The following ZSWIM9 variants were observed in gnomAD, a reference collection of about 807,000 sequenced individuals.
ZSWIM9 encodes zinc finger SWIM-type containing 9.
ZSWIM9 carries 11 observed loss-of-function variants against 25.0 expected under a neutral mutation model. That is an observed-to-expected ratio of 0.44 (90% confidence interval 0.28 to 0.73). The LOEUF (loss-of-function observed/expected upper bound fraction) is 0.73, where lower values mean the gene tolerates loss of function less well. Ranked by LOEUF, ZSWIM9 falls within the 30% of genes least tolerant of loss-of-function variation. The probability of loss-of-function intolerance (pLI) is 0.16; values close to 1 mark genes in which losing one functional copy is unlikely to be tolerated. For missense variants in ZSWIM9, 1,070 were observed against 1,296.5 expected (o/e 0.83, Z 2.68); for synonymous variants, 562 against 582.1 (o/e 0.97, Z 0.50).
intron 2 of ZSWIM9, among the ~76,000 whole-genome samples, chr19:48,178,448 G>T (rs1422458042): frequency 6.6e-6 from 1 of 152,148 alleles, no homozygotes; most frequent in East Asian, 1.9e-4. Context: ...CTTTTAGGGG[G>T]TGTGTTACTG....
intron 3 of ZSWIM9, among the ~76,000 whole-genome samples, chr19:48,186,239 G>GCCCCCCCCCCC (rs199837478): frequency 6.7e-6 from 1 of 149,538 alleles, no homozygotes; most frequent in African/African-American, 2.6e-5. Context: ...TCCTCTTTCT[G>GCCCCCCCCCCC]CCCCGCCACC....
intron 3 of ZSWIM9, among the ~76,000 whole-genome samples, chr19:48,191,264 G>T (rs1007805156): frequency 6.6e-6 from 1 of 152,092 alleles, no homozygotes; most frequent in Non-Finnish European, 1.5e-5. Context: ...GAGTACAGTG[G>T]CACAATCTCG....
Position 48,171,880 on chromosome 19 carries a change from G to C in ZSWIM9, c.78G>C (p.Ser26=), listed in dbSNP as rs1238491272. The C allele has an allele frequency of 2.6e-6, 4 of 1,535,684 alleles. No individual in the cohort carries two copies. Among genetic ancestry groups the C allele is most frequent in the Non-Finnish European group, 3.5e-6 (4 of 1,146,678 alleles). The change falls in exon 2 of 4, where the codon TCG becomes TCC. Residue 26 remains serine (S), a synonymous_variant. Coordinates refer to ENST00000614654, the MANE Select transcript of ZSWIM9 (RefSeq NM_199341.4). ...EQELRERAFF[S]WAEFSRFFDA... ...AGCTGCGGGAGCGGGCCTTCTTCTC[G>C]TGGGCCGAGTTCAGCCGCTTCTTCG...
rs1454783672 is a variant in ZSWIM9, at chr19:48,196,495, C to G, written c.2431C>G (p.Arg811Gly). Residue 811 changes from arginine (R) to glycine (G), a missense_variant, in exon 4 of 4, where the codon CGA (arginine) becomes GGA (glycine). Arg to Gly is a moderately radical substitution (Grantham distance 125, BLOSUM62 -2). Coordinates refer to ENST00000614654, the MANE Select transcript of ZSWIM9 (RefSeq NM_199341.4). Reference sequence around the variant, plus strand: ...CCCCAGGGAACCAAAGAGGCTTTGCCGACCCCCGGGAGAGGAGGAGGTGGA... The same window carrying G: ...CCCCAGGGAACCAAAGAGGCTTTGCGGACCCCCGGGAGAGGAGGAGGTGGA... ...DGPREPKRLC[R>G]PPGEEEVDWE... 2 of 1,232,396 alleles carry G rather than the reference C, an allele frequency of 1.6e-6. No homozygotes were observed. The highest frequency in any genetic ancestry group is 2.0e-6 in the Non-Finnish European group (2 of 988,308). The allele number at this position is 1,232,396 out of a possible 1,614,324, so 76.3% of individuals were successfully genotyped here. A position where few individuals can be genotyped will look rare whatever the true frequency, so the allele number is the denominator to read the frequency against.
chr19:48,196,398 C>A lies in ZSWIM9; in HGVS notation c.2334C>A (p.Ser778Arg). Residue 778 changes from serine to arginine, a missense_variant, in exon 4 of 4, where the codon AGC becomes AGA. This residue lies in a region of ZSWIM9 where 583 missense variants were observed against 624.7 expected (regional missense o/e 0.93). Transcript: ENST00000614654. ...CGGTGGGGACTGTATTGGAAGGCAG[C>A]CCAGAATGGGCAGCGGCGAGGAGTG... ...GTPVGTVLEGSPEWAAARSEH... is the reference protein window; with the variant it reads ...GTPVGTVLEGRPEWAAARSEH... The A allele has an allele frequency of 8.1e-7, 1 of 1,232,328 alleles. No homozygotes were observed. Among genetic ancestry groups the A allele is most frequent in the African/African-American group, 1.6e-5 (1 of 64,446 alleles). The allele number at this position is 1,232,328 out of a possible 1,614,324, so 76.3% of individuals were successfully genotyped here.
rs1391757327 is a variant in ZSWIM9 at position 48,182,932 on chromosome 19, C to G, written c.588+165C>G. 3.2e-6 allele frequency: 2 copies of G among 629,140 alleles called. No individual in the cohort carries two copies. Among genetic ancestry groups the G allele is most frequent in the Non-Finnish European group, 5.5e-6 (2 of 364,374 alleles). The allele number at this position is 629,140 out of a possible 1,614,324, so 39.0% of individuals were successfully genotyped here. Reference sequence around the variant, plus strand: ...ACTTACCGAGGCATTGGGGATGCAGCAGCAAACCAGACCCACGTGGTCTCT... The same window carrying G: ...ACTTACCGAGGCATTGGGGATGCAGGAGCAAACCAGACCCACGTGGTCTCT... On this transcript the variant is annotated intron_variant, in intron 3 of 3. Transcript: ENST00000614654. The surrounding 1 kb of genome is among the most constrained non-coding windows in gnomAD (Gnocchi z 4.6).
chr19:48,187,495 AATATATTATATTATATTATATATATT>A (rs1270887094), intron 3 of ZSWIM9, among the ~76,000 whole-genome samples: 9 of 50,516 alleles, frequency 1.8e-4, no homozygotes, highest in Non-Finnish European at 2.4e-4. Context: ...ATTATATTAT[AATATATTATATTATATTATATATATT>A]ATATATTATA....
chr19:48,174,016 A>G (rs1255282764), intron 2 of ZSWIM9, among the ~76,000 whole-genome samples: 1 of 151,972 alleles, frequency 6.6e-6, no homozygotes, highest in African/African-American at 2.4e-5. Context: ...CCATGTTTCC[A>G]TTGGCAGACG....
At chr19:48,171,263 C>G (rs1352869307) in intron 1 of ZSWIM9, 8 of 985,182 alleles carry the variant, frequency 8.1e-6, no homozygotes, top group Non-Finnish European at 9.6e-6. Flanking sequence ...AAGCATGTGA[C>G]CGGGTGAGGG....
intron 2 of ZSWIM9, among the ~76,000 whole-genome samples, chr19:48,178,878 G>T (rs1431658486): frequency 6.6e-6 from 1 of 152,106 alleles, no homozygotes; most frequent in Admixed American, 6.6e-5. Flanking sequence ...CCAGCCTGTA[G>T]CCTATTTTTA....
At chr19:48,179,442 G>A (rs2036925396) in intron 2 of ZSWIM9, among the ~76,000 whole-genome samples, 1 of 152,192 alleles carries the variant, frequency 6.6e-6, no homozygotes, top group Non-Finnish European at 1.5e-5. Context: ...CCAAAGTGCT[G>A]GGATGACAGG....
intron 2 of ZSWIM9, among the ~76,000 whole-genome samples, chr19:48,179,267 C>G (rs1367933181): frequency 6.6e-6 from 1 of 151,948 alleles, no homozygotes; most frequent in East Asian, 1.9e-4. Context: ...CTCAAGTGAT[C>G]CTCTTGCCTC....
intron 3 of ZSWIM9, among the ~76,000 whole-genome samples, chr19:48,186,242 C>G (rs191452471): frequency 4.0e-5 from 6 of 148,546 alleles, no homozygotes; most frequent in African/African-American, 1.6e-4. Flanking sequence ...TCTTTCTGCC[C>G]CGCCACCCCC....
chr19:48,182,340 T>C lies in ZSWIM9; in HGVS notation c.276-115T>C. 1.1e-6 allele frequency: 1 copy of C among 889,144 alleles called. No individual in the cohort carries two copies. Among genetic ancestry groups the C allele is most frequent in the East Asian group, 2.7e-5 (1 of 37,528 alleles). The allele number at this position is 889,144 out of a possible 1,614,324, so 55.1% of individuals were successfully genotyped here. On this transcript the variant is annotated intron_variant, in intron 2 of 3. Coordinates refer to ENST00000614654, the MANE Select transcript of ZSWIM9 (RefSeq NM_199341.4). The surrounding 1 kb of genome is among the most constrained non-coding windows in gnomAD (Gnocchi z 4.6). ...CAGCTGGCATATTCTTAGGGCCCTCTACTCTTCTCTATGCCTGAAACAATT... is the reference window on the plus strand; with the variant it reads ...CAGCTGGCATATTCTTAGGGCCCTCCACTCTTCTCTATGCCTGAAACAATT...
At position 48,196,724 on chromosome 19, in the gene ZSWIM9, G is replaced by C. The variant is rs1274395070; in HGVS notation, c.2660G>C (p.Arg887Pro). 3 of 1,232,852 alleles carry C rather than the reference G, an allele frequency of 2.4e-6. No individual in the cohort carries two copies. Among genetic ancestry groups the C allele is most frequent in the Non-Finnish European group, 3.0e-6 (3 of 988,638 alleles). 76.4% of individuals were successfully genotyped at this position (1,232,852 alleles called of 1,614,324 possible). Residue 887 changes from arginine to proline, a missense_variant, in exon 4 of 4, where the codon CGT (arginine) becomes CCT (proline). Arg to Pro is a moderately radical substitution (Grantham distance 103). This residue lies in a region of ZSWIM9 where 583 missense variants were observed against 624.7 expected (regional missense o/e 0.93). Coordinates refer to ENST00000614654, the MANE Select transcript of ZSWIM9 (RefSeq NM_199341.4). ...RCSCSIHAARRLPCRHLFAAR... is the reference protein window; with the variant it reads ...RCSCSIHAARPLPCRHLFAAR... The stretch of plus-strand genomic sequence containing the variant: ...AGCTGCTCAATTCACGCCGCCCGCC[G>C]TCTGCCCTGCAGACACCTCTTTGCA...
chr19:48,183,880 T>G (rs1217650600), intron 3 of ZSWIM9, among the ~76,000 whole-genome samples: 2 of 150,934 alleles, frequency 1.3e-5, no homozygotes, highest in African/African-American at 4.9e-5. Context: ...ACTCCCAGAC[T>G]GAAGCAGTCC....
intron 3 of ZSWIM9, chr19:48,183,139 C>A (rs10406631): frequency 0.19 from 31,561 of 170,016 alleles, 3,642 homozygotes; most frequent in African/African-American, 0.33. Flanking sequence ...CGGAGTCTCA[C>A]TCTGTCACCC....
chr19:48,185,476 A>C (rs2037000609), intron 3 of ZSWIM9, among the ~76,000 whole-genome samples: 1 of 152,246 alleles, frequency 6.6e-6, no homozygotes, highest in Admixed American at 6.5e-5. Context: ...GTTCTAGGAC[A>C]GGAGAGACAG....
At position 48,197,565 on chromosome 19, in the gene ZSWIM9, G is replaced by C. The variant is rs2037184335; in HGVS notation, c.*738G>C. On this transcript the variant is annotated 3_prime_UTR_variant, in exon 4 of 4. Coordinates refer to ENST00000614654, the MANE Select transcript of ZSWIM9 (RefSeq NM_199341.4). ...GGTCAGGAGAGTCTCCAGCAGGGGA[G>C]GGGAATTGTTTGGACTATTGTTCTT... 2.2e-6 allele frequency: 1 copy of C among 446,268 alleles called. No individual in the cohort carries two copies. The highest frequency in any genetic ancestry group is 3.3e-5 in the South Asian group (1 of 30,116). 27.6% of individuals were successfully genotyped at this position (446,268 alleles called of 1,614,324 possible). A position where few individuals can be genotyped will look rare whatever the true frequency, so the allele number is the denominator to read the frequency against.
Sources: allele counts gnomAD v4.1 joint callset (sites outside exome capture counted in the v4.1 genomes callset), GRCh38; gene constraint gnomAD v4.1.1; regional missense constraint gnomAD v4.1.1; non-coding constraint Gnocchi (gnomAD v3.1); transcripts MANE v1.5; gene names NCBI Gene and HGNC (gene_info 2026-07-23, HGNC 2026-07-21).